The following GPR39 variants were observed in gnomAD, a reference collection of about 807,000 sequenced individuals.
GPR39 encodes G protein-coupled receptor 39, also known as zinc sensing receptor.
A neutral mutation model predicts 18.4 loss-of-function variants in GPR39; 23 were observed. The observed-to-expected ratio is 1.25, with a 90% CI of 0.90 to 1.77. GPR39 has a LOEUF of 1.77. Among genes scored for constraint, GPR39 ranks in the 40% most tolerant of loss-of-function variants. The pLI, the probability that GPR39 is intolerant of heterozygous loss-of-function variation, is 0.00. For missense variants in GPR39, 647 were observed against 602.4 expected (o/e 1.07, Z -0.78); for synonymous variants, 280 against 257.9 (o/e 1.09, Z -0.82).
chr2:132,561,687 G>C (rs1439779640), intron 1 of GPR39, among the ~76,000 whole-genome samples: 1 of 152,034 alleles, frequency 6.6e-6, no homozygotes, highest in African/African-American at 2.4e-5. Flanking sequence ...TGGATACCCA[G>C]GAGAGCAAAG....
intron 1 of GPR39, among the ~76,000 whole-genome samples, chr2:132,450,434 A>G (rs1003886471): frequency 7.2e-5 from 11 of 152,184 alleles, no homozygotes; most frequent in African/African-American, 2.4e-4. Context: ...AGGCCTGTAC[A>G]TTTTTTAACA....
intron 1 of GPR39, among the ~76,000 whole-genome samples, chr2:132,590,844 T>C (rs1558850595): frequency 4.6e-5 from 7 of 151,450 alleles, no homozygotes. Context: ...TGTGTGTGTG[T>C]GTGTGTGTCT....
rs34104835 is a variant in GPR39, at chr2:132,598,431, C to CTTT, written c.857-46651_857-46649dup. 3.4e-3 allele frequency among the ~76,000 whole-genome samples: 309 copies of CTTT among 90,422 alleles called. 2 individuals are homozygous for CTTT. The highest frequency in any genetic ancestry group is 7.0e-3 in the East Asian group (21 of 2,998). The allele number at this position is 90,422 out of a possible 152,430, so 59.3% of individuals were successfully genotyped here. ...TCTGATTTGGCTGGTCTAAGGTGAACTTTTTTTTTTTTTTTTTTTTTAAGC... is the reference window on the plus strand; with the variant it reads ...TCTGATTTGGCTGGTCTAAGGTGAACTTTTTTTTTTTTTTTTTTTTTTTTAAGC... On this transcript the variant is annotated intron_variant, in intron 1 of 1. Coordinates refer to ENST00000329321, the MANE Select transcript of GPR39 (RefSeq NM_001508.3).
intron 1 of GPR39, among the ~76,000 whole-genome samples, chr2:132,640,124 T>C (rs1247252361): frequency 2.0e-5 from 3 of 152,108 alleles, no homozygotes; most frequent in Non-Finnish European, 2.9e-5. Context: ...TAAGATGGAA[T>C]TCTGGGGAAC....
chr2:132,520,165 C>T (rs1679396934), intron 1 of GPR39, among the ~76,000 whole-genome samples: 1 of 152,140 alleles, frequency 6.6e-6, no homozygotes, highest in African/African-American at 2.4e-5. Context: ...TCTTCCCCAC[C>T]AAATTTTAAT....
rs5834320 is a variant in GPR39, at chr2:132,582,915, CTTT to C, written c.857-62166_857-62164del. Among the ~76,000 whole-genome samples the C allele has an allele frequency of 6.2e-3, 632 of 101,592 alleles. 1 individual carries two copies. Among genetic ancestry groups the C allele is most frequent in the African/African-American group, 0.018 (461 of 25,728 alleles). 66.6% of individuals were successfully genotyped at this position (101,592 alleles called of 152,430 possible). On this transcript the variant is annotated intron_variant, in intron 1 of 1. Coordinates refer to ENST00000329321, the MANE Select transcript of GPR39 (RefSeq NM_001508.3). ...TAGAGAGAATTAGATTTCTTTCTTT[CTTT>C]TTTTTTTTTTTTTTTTTTTGGAGAT...
At chr2:132,621,896 G>A (rs1163766673) in intron 1 of GPR39, among the ~76,000 whole-genome samples, 1 of 152,152 alleles carries the variant, frequency 6.6e-6, no homozygotes, top group African/African-American at 2.4e-5. Flanking sequence ...ATTTCCAGCA[G>A]CTTCCATAGG....
intron 1 of GPR39, among the ~76,000 whole-genome samples, chr2:132,624,503 C>T (rs1403761638): frequency 6.6e-6 from 1 of 152,166 alleles, no homozygotes; most frequent in African/African-American, 2.4e-5. Flanking sequence ...CTGAAAAGTG[C>T]ACACATTAGA....
At chr2:132,560,563 TC>T (rs1433598727) in intron 1 of GPR39, among the ~76,000 whole-genome samples, 2 of 152,240 alleles carry the variant, frequency 1.3e-5, no homozygotes, top group African/African-American at 4.8e-5. Flanking sequence ...ACACTGGCCT[TC>T]CGATTTCCCA....
intron 1 of GPR39, among the ~76,000 whole-genome samples, chr2:132,561,667 G>C (rs929472973): frequency 6.6e-6 from 1 of 151,950 alleles, no homozygotes; most frequent in African/African-American, 2.4e-5. Flanking sequence ...AAAATCTGCA[G>C]TTGGCAAGCT....
rs1680131855 is a variant in GPR39, at chr2:132,427,086, TATAC to T, written c.856+9192_856+9195del. 3.5e-5 allele frequency among the ~76,000 whole-genome samples: 5 copies of T among 144,618 alleles called. No homozygotes were observed. In the East Asian group the frequency reaches 1.0e-3, roughly 29 times the overall value. The allele number at this position is 144,618 out of a possible 152,430, so 94.9% of individuals were successfully genotyped here. ...TATATATATGTACCTATATATATAATATACATATATAGGTACATATATATATAAT... is the reference window on the plus strand; with the variant it reads ...TATATATATGTACCTATATATATAATATATATAGGTACATATATATATAAT... On this transcript the variant is annotated intron_variant, in intron 1 of 1. Coordinates refer to ENST00000329321, the MANE Select transcript of GPR39 (RefSeq NM_001508.3).
intron 1 of GPR39, among the ~76,000 whole-genome samples, chr2:132,435,358 A>T (rs778125772): frequency 2.6e-5 from 4 of 152,056 alleles, no homozygotes; most frequent in Non-Finnish European, 1.5e-5. Flanking sequence ...CTTTATGATG[A>T]TCCACTTTCA....
intron 1 of GPR39, among the ~76,000 whole-genome samples, chr2:132,569,749 A>T (rs1302632384): frequency 6.6e-6 from 1 of 151,986 alleles, no homozygotes; most frequent in Non-Finnish European, 1.5e-5. Context: ...GTGTTGTGGG[A>T]GGGACCCAGT....
chr2:132,417,439 C>T lies in GPR39; in HGVS notation c.397C>T (p.Arg133Cys), dbSNP rs772429121. 2 of 1,614,036 alleles carry T rather than the reference C, an allele frequency of 1.2e-6. No homozygotes were observed. Among genetic ancestry groups the T allele is most frequent in the African/African-American group, 1.3e-5 (1 of 74,922 alleles). Reference protein sequence around the residue: ...LLHVLTLSFERYIAICHPFRY... With the variant: ...LLHVLTLSFECYIAICHPFRY... ...GCACGTGCTGACACTCAGCTTTGAG[C>T]GCTACATCGCCATCTGTCACCCCTT... The change falls in exon 1 of 2, where the codon CGC (arginine) becomes TGC (cysteine). Residue 133 changes from arginine to cysteine, a missense_variant. Arg to Cys is a radical substitution (Grantham distance 180, BLOSUM62 -3). Coordinates refer to ENST00000329321, the MANE Select transcript of GPR39 (RefSeq NM_001508.3).
In GPR39 at chr2:132,646,201, T is replaced by G. The variant is rs1168526001; in HGVS notation, c.*595T>G. 3.1e-6 allele frequency: 5 copies of G among 1,607,344 alleles called. No homozygotes were observed. In the South Asian group the frequency reaches 4.5e-5, roughly 14 times the overall value. On this transcript the variant is annotated 3_prime_UTR_variant, in exon 2 of 2. Transcript: ENST00000329321. ...TGATGCAAACTGAGTTCAGTTTCCCTGGGGAGCAGAAGGACTGGTACCCGG... is the reference window on the plus strand; with the variant it reads ...TGATGCAAACTGAGTTCAGTTTCCCGGGGGAGCAGAAGGACTGGTACCCGG...
intron 1 of GPR39, among the ~76,000 whole-genome samples, chr2:132,453,380 G>A (rs1680664072): frequency 1.3e-5 from 2 of 152,090 alleles, no homozygotes; most frequent in African/African-American, 4.8e-5. Flanking sequence ...TTGGATATTA[G>A]CCTTTTGTCA....
chr2:132,431,075 C>T (rs1440535248), intron 1 of GPR39, among the ~76,000 whole-genome samples: 2 of 152,222 alleles, frequency 1.3e-5, no homozygotes, highest in Middle Eastern at 3.4e-3. Context: ...CTGGTTGGTG[C>T]CAAATCCCCA....
chr2:132,577,516 T>A (rs377119151), intron 1 of GPR39, among the ~76,000 whole-genome samples: 1 of 151,796 alleles, frequency 6.6e-6, no homozygotes, highest in Admixed American at 6.5e-5. Flanking sequence ...AGTCTTATAA[T>A]TTATGAACAT....
intron 1 of GPR39, among the ~76,000 whole-genome samples, chr2:132,513,912 G>T (rs181478195): frequency 3.0e-3 from 452 of 152,238 alleles, no homozygotes; most frequent in Non-Finnish European, 3.9e-3. Context: ...GTGGGTTTTT[G>T]CCATATTGCC....
Sources: allele counts gnomAD v4.1 joint callset (sites outside exome capture counted in the v4.1 genomes callset), GRCh38; gene constraint gnomAD v4.1.1; transcripts MANE v1.5; gene names NCBI Gene and HGNC (gene_info 2026-07-23, HGNC 2026-07-21).